Variants in RSRC1 observed in about 807,000 individuals in gnomAD.
The protein encoded by RSRC1 is arginine and serine rich coiled-coil 1.
A neutral mutation model predicts 49.1 loss-of-function variants in RSRC1; 39 were observed. The observed-to-expected ratio is 0.79, with a 90% CI of 0.61 to 1.04. The LOEUF (loss-of-function observed/expected upper bound fraction) is 1.04, where lower values mean the gene tolerates loss of function less well. Among genes scored for constraint, RSRC1 ranks in the 50% least tolerant of loss-of-function variants. The pLI is 0.00. For missense variants in RSRC1, 388 were observed against 402.4 expected (o/e 0.96, Z 0.31); for synonymous variants, 143 against 130.8 (o/e 1.09, Z -0.63).
At position 158,543,461 on chromosome 3, in the gene RSRC1, G is replaced by C. The variant is rs766063912; in HGVS notation, c.886G>C (p.Asp296His). ...CATCCCTACTGCTATCAAGTACCAA[G>C]ATGACAATTCCCTGGCCCATCCAAA... The part of the protein sequence containing the change: ...TSIPTAIKYQ[D>H]DNSLAHPNLF... Residue 296 changes from aspartate (D) to histidine (H), a missense_variant, in exon 9 of 10, where the codon GAT becomes CAT. Transcript: ENST00000611884. 6.2e-7 allele frequency: 1 copy of C among 1,609,666 alleles called. No homozygotes were observed. Among genetic ancestry groups the C allele is most frequent in the South Asian group, 1.1e-5 (1 of 90,254 alleles).
At chr3:158,258,527 T>C (rs1336607762) in intron 4 of RSRC1, among the ~76,000 whole-genome samples, 1 of 152,104 alleles carries the variant, frequency 6.6e-6, no homozygotes, top group African/African-American at 2.4e-5. Context: ...TGAGGTAGTC[T>C]ATGGGTTAAA....
intron 3 of RSRC1, among the ~76,000 whole-genome samples, chr3:158,197,230 G>A (rs1488489761): frequency 6.6e-6 from 1 of 152,172 alleles, no homozygotes; most frequent in Non-Finnish European, 1.5e-5. Flanking sequence ...TTAGTCTTGG[G>A]AGGGTGTATG....
At chr3:158,228,109 T>C (rs1559951442) in intron 4 of RSRC1, among the ~76,000 whole-genome samples, 1 of 152,044 alleles carries the variant, frequency 6.6e-6, no homozygotes, top group Non-Finnish European at 1.5e-5. Context: ...AGGAAGTAAT[T>C]AGAATTATAA....
At chr3:158,374,833 C>T (rs191362484) in intron 6 of RSRC1, among the ~76,000 whole-genome samples, 152 of 152,056 alleles carry the variant, frequency 1.0e-3, no homozygotes, top group African/African-American at 3.4e-3. Context: ...GTAGTCATTC[C>T]TATGGTCTTC....
chr3:158,228,795 G>A (rs1578217574), intron 4 of RSRC1, among the ~76,000 whole-genome samples: 1 of 151,266 alleles, frequency 6.6e-6, no homozygotes, highest in East Asian at 2.0e-4. Flanking sequence ...GTATATATAT[G>A]TGTGTATATA....
intron 7 of RSRC1, among the ~76,000 whole-genome samples, chr3:158,535,710 C>T (rs946866879): frequency 1.3e-5 from 2 of 151,232 alleles, no homozygotes; most frequent in Non-Finnish European, 3.0e-5. Context: ...CAAGAGGATC[C>T]TACTACCCAA....
intron 4 of RSRC1, among the ~76,000 whole-genome samples, chr3:158,207,678 C>CAGAG (rs1553769134): frequency 7.6e-5 from 5 of 65,510 alleles, no homozygotes; most frequent in Admixed American, 1.9e-4. Context: ...GAGAGACAGA[C>CAGAG]AGACAGACAG....
At chr3:158,494,572 A>C (rs775161854) in intron 7 of RSRC1, among the ~76,000 whole-genome samples, 1 of 152,228 alleles carries the variant, frequency 6.6e-6, no homozygotes, top group Non-Finnish European at 1.5e-5. Flanking sequence ...ACTTTAAATT[A>C]AATTTAAATT....
At chr3:158,341,853 C>T (rs924783423) in intron 5 of RSRC1, among the ~76,000 whole-genome samples, 20 of 152,028 alleles carry the variant, frequency 1.3e-4, no homozygotes, top group Non-Finnish European at 2.5e-4. Context: ...CGGGGTGGAG[C>T]TGCCCAAGAC....
intron 7 of RSRC1, 111 bp from the exon 8 acceptor site, chr3:158,536,981 T>C (rs999614120): frequency 8.8e-6 from 6 of 682,650 alleles, no homozygotes; most frequent in Non-Finnish European, 1.5e-5. Flanking sequence ...TAGCTTAATT[T>C]ATAATGTCTT....
intron 7 of RSRC1, among the ~76,000 whole-genome samples, chr3:158,509,994 C>T (rs1740067873): frequency 6.6e-6 from 1 of 152,186 alleles, no homozygotes; most frequent in Non-Finnish European, 1.5e-5. Context: ...TTCAGTTCAA[C>T]CACATAGTGC....
At chr3:158,139,496 G>A (rs1347676272) in intron 3 of RSRC1, among the ~76,000 whole-genome samples, 1 of 152,140 alleles carries the variant, frequency 6.6e-6, no homozygotes, top group African/African-American at 2.4e-5. Context: ...AGTACCATAC[G>A]AAACTGCATA....
At chr3:158,198,019 G>C (rs1413504817) in intron 3 of RSRC1, among the ~76,000 whole-genome samples, 1 of 152,106 alleles carries the variant, frequency 6.6e-6, no homozygotes, top group Non-Finnish European at 1.5e-5. Flanking sequence ...GCTTGGTGCA[G>C]AGCTGAGTTC....
intron 3 of RSRC1, among the ~76,000 whole-genome samples, chr3:158,199,388 G>T (rs1379741249): frequency 1.3e-5 from 2 of 151,872 alleles, no homozygotes; most frequent in Non-Finnish European, 2.9e-5. Flanking sequence ...TTATTCTTTG[G>T]TAATTTGTAT....
At chr3:158,145,358 A>G (rs1319073264) in intron 3 of RSRC1, among the ~76,000 whole-genome samples, 1 of 152,222 alleles carries the variant, frequency 6.6e-6, no homozygotes, top group Non-Finnish European at 1.5e-5. Flanking sequence ...ATGGCTAGCC[A>G]GTTTTCCCAG....
intron 5 of RSRC1, among the ~76,000 whole-genome samples, chr3:158,328,648 C>T (rs1235604296): frequency 6.6e-6 from 1 of 152,188 alleles, no homozygotes. Context: ...CAACCTTTCT[C>T]TCTGGCTGCC....
chr3:158,458,425 A>G (rs1302409206), intron 6 of RSRC1, among the ~76,000 whole-genome samples: 1 of 152,152 alleles, frequency 6.6e-6, no homozygotes, highest in Non-Finnish European at 1.5e-5. Flanking sequence ...ATTACTAAAA[A>G]TGGCAAAAAC....
chr3:158,490,666 A>G (rs5025785), intron 7 of RSRC1, among the ~76,000 whole-genome samples: 31,176 of 152,132 alleles, frequency 0.2, 3,761 homozygotes, highest in African/African-American at 0.34. Flanking sequence ...ATTACACTTC[A>G]TAATGTATTT....
intron 3 of RSRC1, among the ~76,000 whole-genome samples, chr3:158,175,747 C>T (rs929984946): frequency 6.9e-6 from 1 of 145,092 alleles, no homozygotes; most frequent in African/African-American, 2.9e-5. Context: ...TGTTGGCAAA[C>T]CAATCAAACG....
Sources: allele counts gnomAD v4.1 joint callset (sites outside exome capture counted in the v4.1 genomes callset), GRCh38; gene constraint gnomAD v4.1.1; transcripts MANE v1.5; gene names NCBI Gene and HGNC (gene_info 2026-07-23, HGNC 2026-07-21).